The following NFIB variants were observed in gnomAD, a reference collection of about 807,000 sequenced individuals.
NFIB encodes the protein nuclear factor I B.
In NFIB, 11 loss-of-function variants were observed where a neutral mutation model predicts 61.5. That is an observed-to-expected ratio of 0.18 (90% CI 0.11 to 0.30). The LOEUF is 0.30. NFIB is among the 10% of genes least tolerant of loss of function. NFIB has a pLI of 1.00. For synonymous variants in NFIB, 260 were observed against 216.5 expected (o/e 1.20, Z -1.76); for missense variants, 471 against 608.9 (o/e 0.77, Z 2.38).
At chr9:14,359,129 T>C (rs1372220589) in intron 1 of NFIB, among the ~76,000 whole-genome samples, 2 of 152,172 alleles carry the variant, frequency 1.3e-5, no homozygotes, top group African/African-American at 4.8e-5. Context: ...AAGATCAGGG[T>C]ATACCCTTTC....
rs2032730965 is a variant in NFIB at position 14,085,549 on chromosome 9, C to T, written c.*2760G>A. The T allele has an allele frequency of 9.1e-6, 2 of 220,022 alleles. No homozygotes were observed. The highest frequency in any genetic ancestry group is 1.8e-5 in the Non-Finnish European group (2 of 109,994). The allele number at this position is 220,022 out of a possible 1,614,324, so 13.6% of individuals were successfully genotyped here. A position where few individuals can be genotyped will look rare whatever the true frequency, so the allele number is the denominator to read the frequency against. ...ATTAATTGCTTAAAATTCTATATTT[C>T]CCTTCTGCTCTGGTTCTCAGTTTTA... is the stretch of plus-strand genomic sequence containing the variant. On this transcript the variant is annotated 3_prime_UTR_variant, in exon 11 of 11. Transcript: ENST00000380953.
the NFIB span, among the ~76,000 whole-genome samples, chr9:14,506,778 G>A: frequency 1.3e-5 from 2 of 152,140 alleles, no homozygotes; most frequent in Non-Finnish European, 2.9e-5. Flanking sequence ...GTGTGGGGAG[G>A]TGCTTGGCTG....
At position 14,203,521 on chromosome 9, in the gene NFIB, C is replaced by T. The variant is rs75511075; in HGVS notation, c.563-23741G>A. Among the ~76,000 whole-genome samples the T allele has an allele frequency of 1.6e-3, 246 of 152,300 alleles. 2 individuals are homozygous for T. In the East Asian group the frequency reaches 0.026, roughly 16 times the overall value. ...TGTGTATCTCTACAAAGTTTATCTC[C>T]ACTGCCAAGAGTGTCTTGGCACGGA... On this transcript the variant is annotated intron_variant, in intron 2 of 10. Transcript: ENST00000380953.
At chr9:14,435,884 C>T in the NFIB span, among the ~76,000 whole-genome samples, 2 of 152,204 alleles carry the variant, frequency 1.3e-5, no homozygotes, top group African/African-American at 4.8e-5. Flanking sequence ...AAAGGAATAA[C>T]TTTCTCTTCA....
chr9:14,392,253 G>T (rs1044504960), intron 1 of NFIB, among the ~76,000 whole-genome samples: 4 of 152,120 alleles, frequency 2.6e-5, no homozygotes, highest in African/African-American at 9.7e-5. Context: ...AAAAAATGAA[G>T]AAATTTGAAT....
the NFIB span, among the ~76,000 whole-genome samples, chr9:14,476,725 A>T: frequency 6.6e-6 from 1 of 152,214 alleles, no homozygotes; most frequent in African/African-American, 2.4e-5. Context: ...CAACCAAAAG[A>T]CAGCAAGAAA....
At chr9:14,329,043 T>A (rs1309046749) in intron 1 of NFIB, among the ~76,000 whole-genome samples, 1 of 152,210 alleles carries the variant, frequency 6.6e-6, no homozygotes, top group Non-Finnish European at 1.5e-5. Flanking sequence ...TGGGGCTTGG[T>A]CTCCACAGTC....
At chr9:14,349,801 A>G (rs892437524) in intron 1 of NFIB, among the ~76,000 whole-genome samples, 1 of 152,180 alleles carries the variant, frequency 6.6e-6, no homozygotes, top group Non-Finnish European at 1.5e-5. Context: ...CATAGGGATG[A>G]GAGTTGAGAC....
intron 2 of NFIB, among the ~76,000 whole-genome samples, chr9:14,303,740 C>T: frequency 6.6e-6 from 1 of 152,188 alleles, no homozygotes; most frequent in Non-Finnish European, 1.5e-5. Flanking sequence ...CCATTATTGG[C>T]ATCAAACACA....
intron 1 of NFIB, among the ~76,000 whole-genome samples, chr9:14,374,263 C>G (rs1320267573): frequency 2.0e-5 from 3 of 152,086 alleles, no homozygotes; most frequent in Non-Finnish European, 4.4e-5. Context: ...GCCTCCCCTC[C>G]TTCCCAAAGA....
chr9:14,398,735 C>A (rs995652449), exon 1 of NFIB: 4 of 737,274 alleles, frequency 5.4e-6, no homozygotes, highest in Non-Finnish European at 8.6e-6. Context: ...GCAAACGCAG[C>A]TTCATAGGAA....
chr9:14,344,242 T>G (rs2060991343), intron 1 of NFIB, among the ~76,000 whole-genome samples: 4 of 136,716 alleles, frequency 2.9e-5, no homozygotes, highest in African/African-American at 5.6e-5. Flanking sequence ...ACAGAGAGAG[T>G]CACACAGAGA....
chr9:14,152,970 G>C (rs529549314), intron 4 of NFIB, among the ~76,000 whole-genome samples: 3 of 151,724 alleles, frequency 2.0e-5, no homozygotes, highest in African/African-American at 4.8e-5. Context: ...AGCACAGCAG[G>C]GTGGCTACAG....
At chr9:14,306,875 G>A (rs770436635) in intron 2 of NFIB, 114 bp downstream of exon 2, 18 of 1,288,066 alleles carry the variant, frequency 1.4e-5, no homozygotes, top group Non-Finnish European at 1.8e-5. Context: ...TACCCAGAGA[G>A]GGTGGAGGAT....
intron 2 of NFIB, among the ~76,000 whole-genome samples, chr9:14,282,903 T>C (rs1255016343): frequency 6.6e-6 from 1 of 152,224 alleles, no homozygotes; most frequent in African/African-American, 2.4e-5. Context: ...AGAACTTTAC[T>C]TTCCATGATT....
chr9:14,281,599 G>C (rs2058372179), intron 2 of NFIB, among the ~76,000 whole-genome samples: 1 of 152,182 alleles, frequency 6.6e-6, no homozygotes, highest in South Asian at 2.1e-4. Context: ...TGTAATTACA[G>C]TTGTTGGCTT....
intron 2 of NFIB, among the ~76,000 whole-genome samples, chr9:14,273,184 T>C (rs1471978160): frequency 6.6e-6 from 1 of 152,172 alleles, no homozygotes; most frequent in East Asian, 1.9e-4. Flanking sequence ...CAAGGCACTC[T>C]TTTTAATAAG....
chr9:14,168,396 G>C (rs1457333661), intron 3 of NFIB, among the ~76,000 whole-genome samples: 1 of 152,198 alleles, frequency 6.6e-6, no homozygotes, highest in Non-Finnish European at 1.5e-5. Flanking sequence ...GCACTGCAGA[G>C]AGGCTCTGAA....
At chr9:14,519,177 G>T in the NFIB span, among the ~76,000 whole-genome samples, 8,806 of 152,130 alleles carry the variant, frequency 0.058, 270 homozygotes, top group Non-Finnish European at 0.066. Flanking sequence ...ACTAACAATG[G>T]GCTAAGAGAC....
Sources: gnomAD v4.1 joint callset for allele counts (sites outside exome capture counted in the v4.1 genomes callset) on GRCh38, gnomAD v4.1.1 for gene constraint, MANE v1.5 for transcripts, NCBI Gene and HGNC (gene_info 2026-07-23, HGNC 2026-07-21) for gene names.